HS3ST4: variants seen among roughly 807,000 people sequenced by gnomAD.
The protein encoded by HS3ST4 is heparan sulfate glucosamine 3-O-sulfotransferase 4.
A neutral mutation model predicts 29.2 loss-of-function variants in HS3ST4; 17 were observed. That is an observed-to-expected ratio of 0.58 (90% CI 0.40 to 0.87). The LOEUF (loss-of-function observed/expected upper bound fraction) is 0.87, where lower values mean the gene tolerates loss of function less well. Among genes scored for constraint, HS3ST4 ranks in the 40% least tolerant of loss-of-function variants. HS3ST4 has a pLI of 0.00. For synonymous variants in HS3ST4, 314 were observed against 285.7 expected, an observed-to-expected ratio of 1.10 and a Z score of -1.00; for missense variants, 627 against 634.5, an observed-to-expected ratio of 0.99 and a Z score of 0.13.
intron 1 of HS3ST4, among the ~76,000 whole-genome samples, chr16:25,725,443 A>G (rs1276995044): frequency 6.6e-6 from 1 of 152,146 alleles, no homozygotes; most frequent in Non-Finnish European, 1.5e-5. Flanking sequence ...CCATAATCCT[A>G]CCATCCAGAG....
At chr16:26,044,377 G>C (rs1229812736) in intron 1 of HS3ST4, among the ~76,000 whole-genome samples, 1 of 152,180 alleles carries the variant, frequency 6.6e-6, no homozygotes, top group Admixed American at 6.5e-5. Context: ...AGAAGGGCTG[G>C]TAGTGGAATT....
chr16:25,714,451 C>T (rs1966438689), intron 1 of HS3ST4, among the ~76,000 whole-genome samples: 1 of 152,182 alleles, frequency 6.6e-6, no homozygotes, highest in African/African-American at 2.4e-5. Flanking sequence ...GACTCACCGC[C>T]TCCTAGACTA....
chr16:26,109,393 A>T (rs867427021), intron 1 of HS3ST4, among the ~76,000 whole-genome samples: 1 of 152,150 alleles, frequency 6.6e-6, no homozygotes, highest in Non-Finnish European at 1.5e-5. Flanking sequence ...TGTGGTAGGC[A>T]TTATGCATTT....
Position 25,843,501 on chromosome 16 carries a change from A to G in HS3ST4, c.734+150350A>G, listed in dbSNP as rs538508802. 2.6e-5 allele frequency among the ~76,000 whole-genome samples: 4 copies of G among 152,318 alleles called. No homozygotes were observed. The South Asian group carries it at 8.3e-4, about 32-fold the overall frequency. On this transcript the variant is annotated intron_variant, in intron 1 of 1. Coordinates refer to ENST00000331351, the MANE Select transcript of HS3ST4 (RefSeq NM_006040.3). ...TTCCACAGTATTCTATCAACCAAAT[A>G]TAAATCCCATGGCCAGTCCAGATTT...
At chr16:25,914,858 A>G (rs577343021) in intron 1 of HS3ST4, among the ~76,000 whole-genome samples, 15 of 151,954 alleles carry the variant, frequency 9.9e-5, no homozygotes, top group South Asian at 8.3e-4. Context: ...CTAAAGGAGT[A>G]TGTTTTGGAA....
chr16:25,781,500 G>T (rs1331988615), intron 1 of HS3ST4, among the ~76,000 whole-genome samples: 1 of 152,148 alleles, frequency 6.6e-6, no homozygotes, highest in African/African-American at 2.4e-5. Context: ...CTCTTGGATA[G>T]AATCTCCTCT....
chr16:25,955,205 T>A (rs4430745), intron 1 of HS3ST4, among the ~76,000 whole-genome samples: 33,110 of 152,106 alleles, frequency 0.22, 4,423 homozygotes, highest in Non-Finnish European at 0.3. Context: ...CCTGGACCTC[T>A]GGTGCAGTGG....
At chr16:26,111,819 C>A (rs905184467) in intron 1 of HS3ST4, among the ~76,000 whole-genome samples, 14 of 152,086 alleles carry the variant, frequency 9.2e-5, no homozygotes, top group Non-Finnish European at 1.9e-4. Flanking sequence ...GAGATTGAGA[C>A]CAACTTGGCC....
chr16:25,998,398 A>T (rs574682282), intron 1 of HS3ST4, among the ~76,000 whole-genome samples: 53 of 152,334 alleles, frequency 3.5e-4, no homozygotes, highest in African/African-American at 1.2e-3. Context: ...GTTACTAAGG[A>T]TTGCTTCACA....
chr16:25,704,068 T>C (rs1453862068), intron 1 of HS3ST4, among the ~76,000 whole-genome samples: 1 of 152,216 alleles, frequency 6.6e-6, no homozygotes, highest in Non-Finnish European at 1.5e-5. Flanking sequence ...TGGCAGATAG[T>C]AGATGCTCAA....
At chr16:25,879,300 T>G (rs4429299) in intron 1 of HS3ST4, among the ~76,000 whole-genome samples, 24,614 of 152,120 alleles carry the variant, frequency 0.16, 3,843 homozygotes, top group African/African-American at 0.41. Flanking sequence ...TCAACAAAAA[T>G]TTTGATGTTG....
intron 1 of HS3ST4, among the ~76,000 whole-genome samples, chr16:25,755,947 A>G (rs890384717): frequency 6.6e-6 from 1 of 152,220 alleles, no homozygotes; most frequent in African/African-American, 2.4e-5. Flanking sequence ...TTCATCAGAC[A>G]CAAAAGGAGG....
rs767787078 is a variant in HS3ST4, at chr16:26,135,695, G to A, written c.818G>A (p.Arg273His). 10 of 1,613,846 alleles carry A rather than the reference G, an allele frequency of 6.2e-6. No individual in the cohort carries two copies. The highest frequency in any genetic ancestry group is 2.2e-5 in the South Asian group (2 of 91,086). ...TTTGTGACAAATGAGGCTCCCAAGC[G>A]CATTCACTCCATGGCCAAGGACATC... ...SYFVTNEAPK[R>H]IHSMAKDIKL... Residue 273 changes from arginine (R) to histidine (H), a missense_variant, in exon 2 of 2, where the codon CGC becomes CAC. Arg to His is a conservative substitution (Grantham distance 29, BLOSUM62 0). Transcript: ENST00000331351.
intron 1 of HS3ST4, among the ~76,000 whole-genome samples, chr16:25,916,051 T>G (rs1365971059): frequency 6.6e-6 from 1 of 152,188 alleles, no homozygotes; most frequent in Non-Finnish European, 1.5e-5. Flanking sequence ...TGGAGGAGGA[T>G]AAGGGAAATT....
intron 1 of HS3ST4, 100 bp downstream of exon 1, chr16:25,693,251 G>A: frequency 7.6e-7 from 1 of 1,316,222 alleles, no homozygotes; most frequent in Non-Finnish European, 1.0e-6. Context: ...GCACCGTCCC[G>A]AGAGGCCCAA....
At chr16:25,934,566 T>C (rs1029706423) in intron 1 of HS3ST4, among the ~76,000 whole-genome samples, 5 of 152,176 alleles carry the variant, frequency 3.3e-5, no homozygotes, top group African/African-American at 1.2e-4. Context: ...GAAGCCTCAG[T>C]TGAGGTGCAT....
intron 1 of HS3ST4, among the ~76,000 whole-genome samples, chr16:25,953,299 T>G (rs1020407075): frequency 3.9e-5 from 6 of 152,190 alleles, no homozygotes; most frequent in Admixed American, 6.5e-5. Context: ...AAACAACTGC[T>G]CGTAAGTCCT....
intron 1 of HS3ST4, among the ~76,000 whole-genome samples, chr16:26,071,957 C>T (rs1288812634): frequency 6.6e-6 from 1 of 152,156 alleles, no homozygotes; most frequent in African/African-American, 2.4e-5. Flanking sequence ...ATGACTTGGG[C>T]CAAATGACTC....
chr16:25,906,238 T>C (rs915232973), intron 1 of HS3ST4, among the ~76,000 whole-genome samples: 1 of 152,190 alleles, frequency 6.6e-6, no homozygotes, highest in Non-Finnish European at 1.5e-5. Flanking sequence ...ACTTTTTCAC[T>C]TTTAATCTGG....
Sources: allele counts gnomAD v4.1 joint callset (sites outside exome capture counted in the v4.1 genomes callset), GRCh38; gene constraint gnomAD v4.1.1; transcripts MANE v1.5; gene names NCBI Gene and HGNC (gene_info 2026-07-23, HGNC 2026-07-21).